The following TMEM178B variants were observed in gnomAD, a reference collection of about 807,000 sequenced individuals.
TMEM178B encodes transmembrane protein 178B.
A neutral mutation model predicts 31.0 loss-of-function variants in TMEM178B; 5 were observed. The observed-to-expected ratio is 0.16, with a 90% CI of 0.08 to 0.34. The LOEUF is 0.34. Ranked by LOEUF, TMEM178B falls within the 10% of genes least tolerant of loss-of-function variation. The probability of loss-of-function intolerance (pLI) is 1.00; values close to 1 mark genes in which losing one functional copy is unlikely to be tolerated. For synonymous variants in TMEM178B, 164 were observed against 164.0 expected, an observed-to-expected ratio of 1.00 and a Z score of 0.00; for missense variants, 275 against 400.3, an observed-to-expected ratio of 0.69 and a Z score of 2.67.
chr7:141,136,940 G>C (rs1795685110), intron 1 of TMEM178B, among the ~76,000 whole-genome samples: 1 of 152,110 alleles, frequency 6.6e-6, no homozygotes, highest in Non-Finnish European at 1.5e-5. Flanking sequence ...TGGTCAACAG[G>C]TATATGAAAA....
intron 2 of TMEM178B, 92 bp from the exon 3 acceptor site, chr7:141,437,516 C>T: frequency 4.7e-6 from 7 of 1,479,918 alleles, no homozygotes; most frequent in Non-Finnish European, 6.3e-6. Context: ...TGGAGGGCCA[C>T]TCCCTCTCTG....
chr7:141,250,695 C>A (rs1242007576), intron 2 of TMEM178B, among the ~76,000 whole-genome samples: 1 of 152,152 alleles, frequency 6.6e-6, no homozygotes, highest in Admixed American at 6.6e-5. Flanking sequence ...CTGCTGAGCA[C>A]CTGGCCACGT....
In TMEM178B at chr7:141,290,651, AG is replaced by A. The variant is rs568922676; in HGVS notation, c.496+77948del. Among the ~76,000 whole-genome samples the A allele has an allele frequency of 6.4e-4, 97 of 152,318 alleles. 2 individuals are homozygous for A. In the South Asian group the frequency reaches 0.02, roughly 31 times the overall value. On this transcript the variant is annotated intron_variant, in intron 2 of 3. Transcript: ENST00000565468. ...TACATCACCTTCCATAGTCAGCTCA[AG>A]TCAGATTTCTGTAGAATAACTTTTC...
chr7:141,387,174 G>C (rs555565737), intron 2 of TMEM178B, among the ~76,000 whole-genome samples: 23 of 152,290 alleles, frequency 1.5e-4, no homozygotes, highest in African/African-American at 5.1e-4. Context: ...GATATGACTA[G>C]TTTTGACAGA....
intron 1 of TMEM178B, among the ~76,000 whole-genome samples, chr7:141,154,368 C>T (rs533259909): frequency 1.2e-3 from 185 of 152,312 alleles, no homozygotes; most frequent in Non-Finnish European, 1.6e-3. Context: ...AACTGGTCCT[C>T]GAGGGCAGGT....
chr7:141,135,048 G>A (rs1258160617), intron 1 of TMEM178B, among the ~76,000 whole-genome samples: 1 of 152,192 alleles, frequency 6.6e-6, no homozygotes, highest in Non-Finnish European at 1.5e-5. Context: ...TTTGCCTGCT[G>A]ACATCCACAT....
the TMEM178B span, among the ~76,000 whole-genome samples, chr7:141,495,222 G>A: frequency 6.6e-6 from 1 of 152,156 alleles, no homozygotes; most frequent in East Asian, 1.9e-4. Flanking sequence ...ATGGGTCATT[G>A]CTGAGGGAAG....
rs552473045 is a variant in TMEM178B, at chr7:141,301,991, G to A, written c.496+89287G>A. On this transcript the variant is annotated intron_variant, in intron 2 of 3. Transcript: ENST00000565468. ...GGGCAGGTGTGGTTGCCAGGGGTTG[G>A]GGGAAGGAGGAGTGGGGAGTTAATG... 1.8e-3 allele frequency among the ~76,000 whole-genome samples: 271 copies of A among 152,266 alleles called. 3 individuals carry two copies. The highest frequency in any genetic ancestry group is 5.6e-4 in the Non-Finnish European group (38 of 68,030).
At chr7:141,122,730 T>C (rs544537260) in intron 1 of TMEM178B, among the ~76,000 whole-genome samples, 1 of 152,352 alleles carries the variant, frequency 6.6e-6, no homozygotes, top group South Asian at 2.1e-4. Context: ...GGATAAGGGC[T>C]TTTTCCTTTT....
At chr7:141,207,125 A>G (rs1251608880) in intron 1 of TMEM178B, among the ~76,000 whole-genome samples, 2 of 152,200 alleles carry the variant, frequency 1.3e-5, no homozygotes, top group Non-Finnish European at 2.9e-5. Flanking sequence ...TTCTTTTTAA[A>G]GACCGATTAT....
At chr7:141,243,569 G>C (rs1359471371) in intron 2 of TMEM178B, among the ~76,000 whole-genome samples, 1 of 152,026 alleles carries the variant, frequency 6.6e-6, no homozygotes, top group Non-Finnish European at 1.5e-5. Flanking sequence ...GTTAATTTGG[G>C]CCAGTAGAAG....
chr7:141,220,481 C>T (rs1797240351), intron 2 of TMEM178B, among the ~76,000 whole-genome samples: 2 of 151,404 alleles, frequency 1.3e-5, no homozygotes, highest in Admixed American at 1.3e-4. Context: ...GCGCCCTCTA[C>T]ATGGATAAGA....
At chr7:141,131,679 CAGTT>C (rs1384856030) in intron 1 of TMEM178B, among the ~76,000 whole-genome samples, 7 of 152,156 alleles carry the variant, frequency 4.6e-5, no homozygotes, top group African/African-American at 1.7e-4. Context: ...GAACATCTCA[CAGTT>C]TGTTTGTCTA....
intron 1 of TMEM178B, among the ~76,000 whole-genome samples, chr7:141,198,262 C>G (rs1402930768): frequency 6.6e-6 from 1 of 152,132 alleles, no homozygotes; most frequent in East Asian, 1.9e-4. Flanking sequence ...CTGGCCTTGG[C>G]CTTCTGGAGG....
intron 2 of TMEM178B, among the ~76,000 whole-genome samples, chr7:141,304,151 C>T (rs1264656958): frequency 5.9e-5 from 9 of 152,176 alleles, no homozygotes; most frequent in Non-Finnish European, 1.3e-4. Flanking sequence ...GACCAGACAG[C>T]TACAGTATGT....
At chr7:141,373,984 G>A (rs1267841764) in intron 2 of TMEM178B, among the ~76,000 whole-genome samples, 1 of 152,178 alleles carries the variant, frequency 6.6e-6, no homozygotes, top group African/African-American at 2.4e-5. Context: ...AACAGACAAG[G>A]AAATGGCCAT....
chr7:141,137,962 A>G (rs1219916792), intron 1 of TMEM178B, among the ~76,000 whole-genome samples: 1 of 152,148 alleles, frequency 6.6e-6, no homozygotes, highest in Non-Finnish European at 1.5e-5. Flanking sequence ...TACAAAATAT[A>G]TCTCCCACCA....
At chr7:141,230,239 C>T (rs1367118821) in intron 2 of TMEM178B, among the ~76,000 whole-genome samples, 1 of 152,154 alleles carries the variant, frequency 6.6e-6, no homozygotes, top group African/African-American at 2.4e-5. Flanking sequence ...ATTGGAACTA[C>T]TGGCTCAAAG....
chr7:141,366,808 C>T (rs1800013377), intron 2 of TMEM178B, among the ~76,000 whole-genome samples: 1 of 152,102 alleles, frequency 6.6e-6, no homozygotes, highest in Non-Finnish European at 1.5e-5. Flanking sequence ...TGGATGGGCT[C>T]CTTGGCTAAC....
Sources: allele counts gnomAD v4.1 joint callset (sites outside exome capture counted in the v4.1 genomes callset), GRCh38; gene constraint gnomAD v4.1.1; transcripts MANE v1.5; gene names NCBI Gene and HGNC (gene_info 2026-07-23, HGNC 2026-07-21).